Variants in TMEM163 observed in about 807,000 individuals in gnomAD.
TMEM163 encodes the protein transmembrane protein 163.
In TMEM163, 17 loss-of-function variants were observed where a neutral mutation model predicts 29.3. The ratio of observed to expected loss-of-function variants is 0.58; its 90% CI spans 0.40 to 0.87. TMEM163 has a LOEUF of 0.87. TMEM163 is among the 40% of genes least tolerant of loss of function. TMEM163 has a pLI of 0.00. For synonymous variants in TMEM163, 157 were observed against 160.6 expected (o/e 0.98, Z 0.17); for missense variants, 303 against 381.5 (o/e 0.79, Z 1.71).
At chr2:134,521,383 C>A (rs1378557970) in intron 4 of TMEM163, among the ~76,000 whole-genome samples, 3 of 152,112 alleles carry the variant, frequency 2.0e-5, no homozygotes, top group Admixed American at 2.0e-4. Flanking sequence ...AACAAGGGGT[C>A]ATTTAGCAAT....
intron 5 of TMEM163, among the ~76,000 whole-genome samples, chr2:134,482,061 A>C (rs750731170): frequency 6.6e-5 from 10 of 152,158 alleles, no homozygotes; most frequent in Admixed American, 3.3e-4. Flanking sequence ...ATTAATTCTC[A>C]TCTTCAAAGA....
rs1685102054 is a variant in TMEM163, at chr2:134,718,905, TGC to T, written c.29_30del (p.Arg10GlnfsTer114). 1 of 1,079,448 alleles carries T rather than the reference TGC, an allele frequency of 9.3e-7. No individual in the cohort carries two copies. Among genetic ancestry groups the T allele is most frequent in the Admixed American group, 5.3e-5 (1 of 18,972 alleles). The allele number at this position is 1,079,448 out of a possible 1,614,324, so 66.9% of individuals were successfully genotyped here. On this transcript the variant is annotated frameshift_variant, in exon 1 of 8. Transcript: ENST00000281924. LOFTEE classifies it high-confidence loss of function. Reference protein sequence around the residue: MEPAAGIQRRSSQGPTVPPP... With the variant: MEPAAGIQRXSSQGPTVPPP... ...GGCGGGACGGTGGGCCCCTGGGAGCTGCGGCGCTGGATGCCCGCGGCCGGCTC... is the reference window on the plus strand; with the variant it reads ...GGCGGGACGGTGGGCCCCTGGGAGCTGGCGCTGGATGCCCGCGGCCGGCTC...
At chr2:134,618,680 C>T (rs1336300264) in intron 2 of TMEM163, among the ~76,000 whole-genome samples, 2 of 151,744 alleles carry the variant, frequency 1.3e-5, no homozygotes, top group African/African-American at 2.4e-5. Flanking sequence ...CTTCTAACTA[C>T]AAAAAAATCC....
chr2:134,664,635 C>G (rs559707516), intron 2 of TMEM163, among the ~76,000 whole-genome samples: 1 of 152,182 alleles, frequency 6.6e-6, no homozygotes, highest in Admixed American at 6.5e-5. Context: ...GATTAGATGA[C>G]AGAAGAGGAG....
intron 2 of TMEM163, among the ~76,000 whole-genome samples, chr2:134,570,198 C>T (rs138414158): frequency 0.012 from 1,767 of 152,058 alleles, 15 homozygotes; most frequent in South Asian, 0.027. Flanking sequence ...CTAAGATCTA[C>T]GGTAAGAATG....
intron 2 of TMEM163, among the ~76,000 whole-genome samples, chr2:134,706,357 C>T (rs902107269): frequency 2.0e-4 from 30 of 152,134 alleles, no homozygotes; most frequent in Non-Finnish European, 3.1e-4. Context: ...AGCAGGGAGG[C>T]GGCAAAACTG....
At chr2:134,473,334 G>T (rs745843946) in intron 5 of TMEM163, among the ~76,000 whole-genome samples, 1 of 151,954 alleles carries the variant, frequency 6.6e-6, no homozygotes, top group Non-Finnish European at 1.5e-5. Context: ...TCAGGAGTTC[G>T]AGACCAGCCT....
chr2:134,529,316 G>A (rs1255856980), intron 4 of TMEM163, among the ~76,000 whole-genome samples: 1 of 152,060 alleles, frequency 6.6e-6, no homozygotes, highest in Non-Finnish European at 1.5e-5. Context: ...GGGTGACAGA[G>A]TCTCGCTCTG....
At chr2:134,483,443 C>T (rs563278734) in intron 5 of TMEM163, among the ~76,000 whole-genome samples, 6 of 152,282 alleles carry the variant, frequency 3.9e-5, no homozygotes, top group African/African-American at 1.2e-4. Context: ...TTGGTATGAA[C>T]ACCACACCAA....
chr2:134,518,669 CA>C (rs1288401438), intron 4 of TMEM163, among the ~76,000 whole-genome samples: 59 of 152,190 alleles, frequency 3.9e-4, no homozygotes, highest in Non-Finnish European at 1.6e-4. Context: ...CCCAATTCAG[CA>C]CGGTATAGAC....
intron 2 of TMEM163, 76 bp from the exon 3 acceptor site, chr2:134,552,167 C>G (rs747322976): frequency 1.7e-6 from 2 of 1,158,326 alleles, no homozygotes; most frequent in South Asian, 2.9e-5. Flanking sequence ...CATTACATGG[C>G]CTTTTAAACA....
In TMEM163 at chr2:134,456,695, T is replaced by TC. The variant is rs778819677; in HGVS notation, c.*20dup. 1 of 1,613,826 alleles carries TC rather than the reference T, an allele frequency of 6.2e-7. No homozygotes were observed. The highest frequency in any genetic ancestry group is 8.5e-7 in the Non-Finnish European group (1 of 1,179,900). On this transcript the variant is annotated 3_prime_UTR_variant, in exon 8 of 8. Coordinates refer to ENST00000281924, the MANE Select transcript of TMEM163 (RefSeq NM_030923.5). The stretch of plus-strand genomic sequence containing the variant: ...GTGGAAACTCCTCATCTCGATGGTC[T>TC]CATGCGGATGCTGGCCCCCTTCACT...
chr2:134,504,121 G>A (rs918706335), intron 4 of TMEM163, among the ~76,000 whole-genome samples: 1 of 152,054 alleles, frequency 6.6e-6, no homozygotes, highest in African/African-American at 2.4e-5. Flanking sequence ...TAACAGCATG[G>A]CCCCAAATTG....
At chr2:134,547,070 C>CTGAA (rs1680806403) in intron 4 of TMEM163, among the ~76,000 whole-genome samples, 2 of 152,222 alleles carry the variant, frequency 1.3e-5, no homozygotes, top group African/African-American at 2.4e-5. Context: ...CAATGGGTAG[C>CTGAA]ATTTCAATTT....
intron 1 of TMEM163, among the ~76,000 whole-genome samples, chr2:134,717,170 G>T (rs1226809198): frequency 3.9e-5 from 6 of 152,146 alleles, no homozygotes; most frequent in Non-Finnish European, 8.8e-5. Context: ...GGAGAAACAG[G>T]CCAGCTCTTA....
chr2:134,539,366 A>G (rs1346718058), intron 4 of TMEM163, among the ~76,000 whole-genome samples: 1 of 152,214 alleles, frequency 6.6e-6, no homozygotes, highest in Non-Finnish European at 1.5e-5. Flanking sequence ...GGAAGGCGAC[A>G]TGCACTGTGG....
chr2:134,638,403 A>G (rs1467990206), intron 2 of TMEM163, among the ~76,000 whole-genome samples: 1 of 152,218 alleles, frequency 6.6e-6, no homozygotes, highest in Non-Finnish European at 1.5e-5. Flanking sequence ...AAGGGCATGC[A>G]TCATTGAAAG....
At chr2:134,467,279 C>G (rs1419881101) in intron 5 of TMEM163, 1 of 152,140 alleles carries the variant, frequency 6.6e-6, no homozygotes, top group Non-Finnish European at 1.5e-5. Context: ...ATCTCCCCAC[C>G]CCATCCCCTG....
chr2:134,623,573 G>A (rs1682785109), intron 2 of TMEM163, among the ~76,000 whole-genome samples: 1 of 152,098 alleles, frequency 6.6e-6, no homozygotes, highest in African/African-American at 2.4e-5. Flanking sequence ...TTCAAGACCA[G>A]CCTGACCAAC....
Sources: allele counts gnomAD v4.1 joint callset (sites outside exome capture counted in the v4.1 genomes callset), GRCh38; gene constraint gnomAD v4.1.1; transcripts MANE v1.5; gene names NCBI Gene and HGNC (gene_info 2026-07-23, HGNC 2026-07-21).